The following HERC4 variants were observed in gnomAD, a reference collection of about 807,000 sequenced individuals.
HERC4 encodes HECT and RLD domain containing E3 ubiquitin protein ligase 4, also known as probable E3 ubiquitin-protein ligase HERC4.
A neutral mutation model predicts 124.3 loss-of-function variants in HERC4; 28 were observed. The observed-to-expected ratio is 0.23, with a 90% CI of 0.17 to 0.31. The LOEUF is 0.31. Among genes scored for constraint, HERC4 ranks in the 10% least tolerant of loss-of-function variants. The pLI, the probability that HERC4 is intolerant of heterozygous loss-of-function variation, is 1.00. For synonymous variants in HERC4, 407 were observed against 421.5 expected, an observed-to-expected ratio of 0.97 and a Z score of 0.42; for missense variants, 713 against 1,229.3, an observed-to-expected ratio of 0.58 and a Z score of 6.28.
chr10:67,932,071 C>T lies in HERC4; in HGVS notation c.2838+526G>A, dbSNP rs372493903. ...CTCCCAGGTTCAAGAGACTCTCCTGCCTCAGCCTCCTGAGTAGCTGGGATT... is the reference window on the plus strand; with the variant it reads ...CTCCCAGGTTCAAGAGACTCTCCTGTCTCAGCCTCCTGAGTAGCTGGGATT... On this transcript the variant is annotated intron_variant, in intron 23 of 24. Coordinates refer to ENST00000373700, the MANE Select transcript of HERC4 (RefSeq NM_015601.4). Among the ~76,000 whole-genome samples, 10 of 152,222 alleles carry T rather than the reference C, an allele frequency of 6.6e-5. No individual in the cohort carries two copies. In the South Asian group the frequency reaches 1.7e-3, roughly 25 times the overall value.
At chr10:67,982,972 C>T (rs1481820464) in intron 15 of HERC4, among the ~76,000 whole-genome samples, 3 of 148,316 alleles carry the variant, frequency 2.0e-5, no homozygotes, top group African/African-American at 7.5e-5. Flanking sequence ...TAATAAAATA[C>T]AAAAAATTAG....
At chr10:68,067,578 T>TAAATTTC (rs1197287341) in intron 3 of HERC4, 1 of 152,256 alleles carries the variant, frequency 6.6e-6, no homozygotes, top group African/African-American at 2.4e-5. Flanking sequence ...TATTACTTTT[T>TAAATTTC]AAATTTCAAC....
At chr10:67,969,533 C>T (rs1307967956) in intron 15 of HERC4, among the ~76,000 whole-genome samples, 1 of 152,078 alleles carries the variant, frequency 6.6e-6, no homozygotes, top group South Asian at 2.1e-4. Context: ...GAATTAGCTG[C>T]CACATGAGAA....
intron 14 of HERC4, 51 bp downstream of exon 14, chr10:67,990,159 AT>A: frequency 7.0e-7 from 1 of 1,431,738 alleles, no homozygotes. Context: ...CTTATGAAGC[AT>A]TTTCATTTAA....
At chr10:67,961,690 G>A (rs952563902) in intron 16 of HERC4, among the ~76,000 whole-genome samples, 1 of 152,102 alleles carries the variant, frequency 6.6e-6, no homozygotes. Context: ...CTTTAACTTT[G>A]TAGTTGACTG....
intron 16 of HERC4, among the ~76,000 whole-genome samples, chr10:67,957,285 T>G (rs1399637063): frequency 6.6e-6 from 1 of 152,178 alleles, no homozygotes; most frequent in East Asian, 1.9e-4. Flanking sequence ...GTTCTAAAAT[T>G]GGGGGCTCCT....
At chr10:68,038,362 A>G in intron 4 of HERC4, 193 bp from the exon 5 acceptor site, 1 of 427,840 alleles carries the variant, frequency 2.3e-6, no homozygotes. Context: ...CAAAAAAAAA[A>G]AAATTAAAGG....
chr10:67,928,791 C>T (rs966097918), intron 23 of HERC4, among the ~76,000 whole-genome samples: 1 of 151,952 alleles, frequency 6.6e-6, no homozygotes, highest in African/African-American at 2.4e-5. Flanking sequence ...GGAATAGTGG[C>T]ATGTCTGTAG....
intron 16 of HERC4, 98 bp from the exon 17 acceptor site, chr10:67,957,074 A>G: frequency 1.6e-6 from 1 of 619,566 alleles, no homozygotes. Flanking sequence ...TTCTTTGTTT[A>G]TTCACTCATG....
At chr10:67,963,245 C>G (rs181549354) in intron 16 of HERC4, among the ~76,000 whole-genome samples, 128 of 152,258 alleles carry the variant, frequency 8.4e-4, no homozygotes, top group African/African-American at 3.0e-3. Flanking sequence ...GAGATGGAGT[C>G]TCACTCTGTT....
intron 16 of HERC4, among the ~76,000 whole-genome samples, chr10:67,957,528 T>C (rs974481617): frequency 6.6e-6 from 1 of 152,208 alleles, no homozygotes; most frequent in Non-Finnish European, 1.5e-5. Flanking sequence ...ATTATTATCA[T>C]TATTAGACAT....
intron 20 of HERC4, among the ~76,000 whole-genome samples, chr10:67,940,136 C>T (rs1204204599): frequency 1.3e-5 from 2 of 152,094 alleles, no homozygotes; most frequent in Admixed American, 1.3e-4. Context: ...CCATGTTGGC[C>T]AGGCTGGTCT....
intron 9 of HERC4, among the ~76,000 whole-genome samples, chr10:67,997,428 T>G (rs1202762612): frequency 6.6e-6 from 1 of 152,204 alleles, no homozygotes; most frequent in Non-Finnish European, 1.5e-5. Context: ...TCTGTATTTA[T>G]TTTTATTTAT....
chr10:68,013,585 G>C (rs749179829), intron 9 of HERC4, among the ~76,000 whole-genome samples: 3 of 152,222 alleles, frequency 2.0e-5, no homozygotes, highest in Non-Finnish European at 4.4e-5. Flanking sequence ...ACTAGGAAGA[G>C]GAGGGAATGA....
In HERC4 at chr10:67,932,794, A is replaced by T. The variant is rs1173441021; in HGVS notation, c.2655-14T>A. On this transcript the variant is annotated splice_polypyrimidine_tract_variant and intron_variant, in intron 22 of 24. Transcript: ENST00000373700. The stretch of plus-strand genomic sequence containing the variant: ...ACAAACTCTTGCCTAGAAATGAAAA[A>T]GCACACATGTACAGATTATAAAAAT... 3.2e-6 allele frequency: 5 copies of T among 1,584,608 alleles called. No individual in the cohort carries two copies. The Admixed American group carries it at 1.0e-4, about 32-fold the overall frequency.
chr10:67,992,534 A>AT, intron 10 of HERC4, 72 bp downstream of exon 10: 1 of 1,086,792 alleles, frequency 9.2e-7, no homozygotes, highest in Non-Finnish European at 1.3e-6. Context: ...TATAAAGAAC[A>AT]TTAATAATGG....
chr10:68,004,152 G>T (rs187769088), intron 9 of HERC4, among the ~76,000 whole-genome samples: 1 of 152,192 alleles, frequency 6.6e-6, no homozygotes. Context: ...TTTGAGAAAT[G>T]CATATTTAGA....
At chr10:68,052,726 G>A (rs1020413934) in intron 3 of HERC4, among the ~76,000 whole-genome samples, 2 of 152,136 alleles carry the variant, frequency 1.3e-5, no homozygotes, top group African/African-American at 4.8e-5. Flanking sequence ...CCAATTCATT[G>A]TGTAAGAGTT....
At chr10:68,008,209 G>A (rs1175550672) in intron 9 of HERC4, among the ~76,000 whole-genome samples, 1 of 152,152 alleles carries the variant, frequency 6.6e-6, no homozygotes, top group Admixed American at 6.5e-5. Flanking sequence ...GGTGATGCAA[G>A]CACTCCCATG....
Sources: allele counts gnomAD v4.1 joint callset (sites outside exome capture counted in the v4.1 genomes callset), GRCh38; gene constraint gnomAD v4.1.1; transcripts MANE v1.5; gene names NCBI Gene and HGNC (gene_info 2026-07-23, HGNC 2026-07-21).